Variants in MARK1 observed in about 807,000 individuals in gnomAD.
MARK1 encodes the protein serine/threonine-protein kinase MARK1.
In MARK1, 40 loss-of-function variants were observed where a neutral mutation model predicts 96.3. The observed-to-expected ratio is 0.42, with a 90% confidence interval of 0.32 to 0.54. MARK1 has a LOEUF of 0.54. Ranked by LOEUF, MARK1 falls within the 20% of genes least tolerant of loss-of-function variation. MARK1 has a pLI of 0.16. For missense variants in MARK1, 719 were observed against 984.6 expected, an observed-to-expected ratio of 0.73 and a Z score of 3.61; for synonymous variants, 317 against 341.2, an observed-to-expected ratio of 0.93 and a Z score of 0.78.
At chr1:220,562,310 CA>C (rs968609108) in intron 1 of MARK1, among the ~76,000 whole-genome samples, 3 of 151,128 alleles carry the variant, frequency 2.0e-5, no homozygotes, top group African/African-American at 4.9e-5. Context: ...ACTAAAAATA[CA>C]AAAAAAAATT....
intron 9 of MARK1, among the ~76,000 whole-genome samples, chr1:220,622,759 C>G (rs1329359615): frequency 1.3e-5 from 2 of 152,128 alleles, no homozygotes; most frequent in African/African-American, 4.8e-5. Flanking sequence ...TGTCACACAT[C>G]CTGTAGTCCT....
chr1:220,599,010 C>T (rs1032223837), intron 4 of MARK1, among the ~76,000 whole-genome samples: 33 of 151,646 alleles, frequency 2.2e-4, no homozygotes, highest in African/African-American at 7.7e-4. Flanking sequence ...TATTGCAGGT[C>T]ATTTAGGTAT....
chr1:220,570,709 C>A (rs1415437868), intron 1 of MARK1, among the ~76,000 whole-genome samples: 5 of 152,126 alleles, frequency 3.3e-5, no homozygotes, highest in Non-Finnish European at 7.4e-5. Context: ...TCTATTAATA[C>A]ACTGTATTGG....
chr1:220,576,979 C>A (rs113528468), intron 1 of MARK1, among the ~76,000 whole-genome samples: 80 of 152,160 alleles, frequency 5.3e-4, no homozygotes, highest in Middle Eastern at 6.8e-3. Context: ...AGATGAATGG[C>A]CAGATGCGGT....
At chr1:220,650,051 T>A (rs149012906) in intron 13 of MARK1, among the ~76,000 whole-genome samples, 95 of 152,274 alleles carry the variant, frequency 6.2e-4, no homozygotes, top group Middle Eastern at 3.4e-3. Flanking sequence ...AGCTCAAACC[T>A]GAGACTCGAG....
At chr1:220,544,822 G>T (rs1661370843) in intron 1 of MARK1, among the ~76,000 whole-genome samples, 1 of 152,198 alleles carries the variant, frequency 6.6e-6, no homozygotes, top group Non-Finnish European at 1.5e-5. Flanking sequence ...TTTCCTTTTG[G>T]GATCAGCAAT....
chr1:220,631,271 T>C (rs1410042346), intron 10 of MARK1, 137 bp downstream of exon 10: 2 of 528,666 alleles, frequency 3.8e-6, no homozygotes, highest in Non-Finnish European at 6.7e-6. Context: ...ATTTTAATGA[T>C]AATATGCTGA....
intron 1 of MARK1, among the ~76,000 whole-genome samples, chr1:220,543,669 C>G (rs939385810): frequency 5.9e-5 from 9 of 152,148 alleles, no homozygotes; most frequent in African/African-American, 1.4e-4. Context: ...CCTTTATTAC[C>G]TAGCATAGTG....
chr1:220,612,084 G>A (rs1666479763), intron 6 of MARK1, among the ~76,000 whole-genome samples: 2 of 152,220 alleles, frequency 1.3e-5, no homozygotes. Context: ...AGTAGCTTTT[G>A]TTAGTAGCAG....
chr1:220,550,613 C>T (rs1446367346), intron 1 of MARK1, among the ~76,000 whole-genome samples: 5 of 152,192 alleles, frequency 3.3e-5, no homozygotes, highest in African/African-American at 1.2e-4. Flanking sequence ...CTTGGCCTCC[C>T]AAAGTGTCAG....
chr1:220,562,592 A>G (rs938596809), intron 1 of MARK1, among the ~76,000 whole-genome samples: 5 of 152,160 alleles, frequency 3.3e-5, no homozygotes, highest in Admixed American at 2.6e-4. Flanking sequence ...GCTCAGTACC[A>G]TTTACAAACT....
intron 9 of MARK1, chr1:220,626,727 C>G: frequency 3.0e-6 from 1 of 333,980 alleles, no homozygotes; most frequent in Non-Finnish European, 5.8e-6. Flanking sequence ...GAGGCTGAGT[C>G]ATGAGAATCG....
chr1:220,621,298 T>A (rs1667040089), intron 9 of MARK1, among the ~76,000 whole-genome samples: 1 of 152,126 alleles, frequency 6.6e-6, no homozygotes, highest in South Asian at 2.1e-4. Flanking sequence ...AAAAACAATG[T>A]GGTATACTTT....
chr1:220,659,871 A>G (rs1293736251), intron 17 of MARK1, among the ~76,000 whole-genome samples: 1 of 151,950 alleles, frequency 6.6e-6, no homozygotes, highest in Non-Finnish European at 1.5e-5. Context: ...GCTCACTGCA[A>G]CCTCCACCTC....
Position 220,653,183 on chromosome 1 carries a change from G to A in MARK1, c.1819G>A (p.Gly607Arg). ...ATPDRTRFPR[G>R]SSSRSTFHGE... Reference sequence around the variant, plus strand: ...TCCAGACCGGACCCGTTTTCCCCGAGGGAGCTCAAGCCGAAGCACTTTCCA... The same window carrying A: ...TCCAGACCGGACCCGTTTTCCCCGAAGGAGCTCAAGCCGAAGCACTTTCCA... Residue 607 changes from glycine (G) to arginine (R), a missense_variant, in exon 16 of 18, where the codon GGG becomes AGG. Coordinates refer to ENST00000366917, the MANE Select transcript of MARK1 (RefSeq NM_018650.5). 6.2e-7 allele frequency: 1 copy of A among 1,614,190 alleles called. No individual in the cohort carries two copies. Among genetic ancestry groups the A allele is most frequent in the Non-Finnish European group, 8.5e-7 (1 of 1,180,022 alleles).
chr1:220,644,859 A>G (rs974135833), intron 13 of MARK1, among the ~76,000 whole-genome samples: 1 of 152,224 alleles, frequency 6.6e-6, no homozygotes, highest in Non-Finnish European at 1.5e-5. Context: ...GGCAGAAATC[A>G]AGAAATTCTT....
intron 13 of MARK1, among the ~76,000 whole-genome samples, chr1:220,642,455 C>T (rs542256691): frequency 2.6e-5 from 4 of 152,308 alleles, no homozygotes; most frequent in Non-Finnish European, 4.4e-5. Flanking sequence ...CCAGCAACTC[C>T]AGCCAGGGTC....
At chr1:220,573,604 T>C (rs1318123871) in intron 1 of MARK1, among the ~76,000 whole-genome samples, 2 of 152,184 alleles carry the variant, frequency 1.3e-5, no homozygotes, top group Admixed American at 1.3e-4. Context: ...ATTACAGGCA[T>C]GAGCCACTGT....
At chr1:220,630,331 T>C (rs988310230) in intron 9 of MARK1, among the ~76,000 whole-genome samples, 2 of 152,230 alleles carry the variant, frequency 1.3e-5, no homozygotes, top group African/African-American at 4.8e-5. Context: ...AGGCATTCTT[T>C]ACATATTCTG....
Sources: gnomAD v4.1 joint callset for allele counts (sites outside exome capture counted in the v4.1 genomes callset) on GRCh38, gnomAD v4.1.1 for gene constraint, MANE v1.5 for transcripts, NCBI Gene and HGNC (gene_info 2026-07-23, HGNC 2026-07-21) for gene names.